AIM2: variants seen among roughly 807,000 people sequenced by gnomAD.
The protein encoded by AIM2 is absent in melanoma 2, also known as interferon-inducible protein AIM2.
In AIM2, 30 loss-of-function variants were observed where a neutral mutation model predicts 27.7. The ratio of observed to expected loss-of-function variants is 1.08; its 90% CI spans 0.81 to 1.47. The LOEUF is 1.47. Among genes scored for constraint, AIM2 ranks in the 40% most tolerant of loss-of-function variants. The pLI is 0.00. For missense variants in AIM2, 358 were observed against 411.3 expected, an observed-to-expected ratio of 0.87 and a Z score of 1.12; for synonymous variants, 141 against 145.3, an observed-to-expected ratio of 0.97 and a Z score of 0.21.
At chr1:159,138,897 G>A (rs1278258759) in intron 1 of AIM2, among the ~76,000 whole-genome samples, 1 of 152,162 alleles carries the variant, frequency 6.6e-6, no homozygotes, top group Non-Finnish European at 1.5e-5. Flanking sequence ...GTCCTACAGT[G>A]AAGTGACTTC....
In AIM2 at chr1:159,121,854, C is replaced by T. The variant is rs113091276; in HGVS notation, c.-16+18577G>A. Among the ~76,000 whole-genome samples, 330 of 152,304 alleles carry T rather than the reference C, an allele frequency of 2.2e-3. 1 individual carries two copies. The highest frequency in any genetic ancestry group is 3.8e-3 in the Non-Finnish European group (260 of 68,032). On this transcript the variant is annotated intron_variant, in intron 1 of 2. Coordinates refer to the AIM2 transcript ENST00000368129. ...TTTACTGTTTATACCTTTTCCACTT[C>T]CAGCACAGGAGTTTAAGCCCACAAA...
chr1:159,106,652 A>T (rs928770841), intron 1 of AIM2, among the ~76,000 whole-genome samples: 1 of 152,254 alleles, frequency 6.6e-6, no homozygotes, highest in Non-Finnish European at 1.5e-5. Context: ...GTGGATTAGA[A>T]CATTCTCTGT....
intron 1 of AIM2, among the ~76,000 whole-genome samples, chr1:159,092,509 C>T (rs1411925921): frequency 2.6e-5 from 4 of 152,044 alleles, no homozygotes; most frequent in African/African-American, 4.8e-5. Flanking sequence ...AGGAAGAACA[C>T]GGTGAAGGGT....
At chr1:159,067,648 G>A (rs1656166576) in intron 3 of AIM2, among the ~76,000 whole-genome samples, 1 of 152,168 alleles carries the variant, frequency 6.6e-6, no homozygotes, top group Non-Finnish European at 1.5e-5. Context: ...TTTCATTACT[G>A]ATGAGGGAAT....
chr1:159,118,026 C>G (rs566363904), intron 1 of AIM2, among the ~76,000 whole-genome samples: 3 of 152,230 alleles, frequency 2.0e-5, no homozygotes, highest in African/African-American at 7.2e-5. Flanking sequence ...GCATACATCT[C>G]CTAAACTAAG....
intron 1 of AIM2, among the ~76,000 whole-genome samples, chr1:159,123,236 A>C (rs1290395709): frequency 6.6e-6 from 1 of 152,218 alleles, no homozygotes. Flanking sequence ...TACTCTCTGC[A>C]TTTCCCTGAT....
chr1:159,127,959 A>T (rs1484582776), intron 1 of AIM2, among the ~76,000 whole-genome samples: 1 of 152,218 alleles, frequency 6.6e-6, no homozygotes, highest in Admixed American at 6.5e-5. Flanking sequence ...TCTGCCCATC[A>T]GTCTCTGCTG....
upstream of AIM2, among the ~76,000 whole-genome samples, chr1:159,144,323 A>G (rs1216820089): frequency 6.6e-6 from 1 of 152,170 alleles, no homozygotes; most frequent in Non-Finnish European, 1.5e-5. Context: ...GTATATCAAC[A>G]AAAGTACTCT....
intron 2 of AIM2, among the ~76,000 whole-genome samples, chr1:159,072,529 C>A (rs952151173): frequency 2.0e-5 from 3 of 152,144 alleles, no homozygotes; most frequent in African/African-American, 7.2e-5. Flanking sequence ...AAAGCTGGGA[C>A]ATATCAATTG....
At chr1:159,080,753 T>C (rs559066799), upstream of AIM2, among the ~76,000 whole-genome samples, 7 of 152,332 alleles carry the variant, frequency 4.6e-5, no homozygotes, top group South Asian at 2.1e-4. Context: ...GCAATGTCCA[T>C]ATGCCTTTGC....
At chr1:159,070,186 TGTC>T (rs368119929) in intron 2 of AIM2, among the ~76,000 whole-genome samples, 129,043 of 151,972 alleles carry the variant, frequency 0.85, 56,944 homozygotes, top group East Asian at 1. Context: ...GTTAGTTACC[TGTC>T]TCAGTTAATT....
intron 1 of AIM2, among the ~76,000 whole-genome samples, chr1:159,109,002 C>G (rs956595683): frequency 2.0e-5 from 3 of 152,200 alleles, no homozygotes; most frequent in Admixed American, 6.5e-5. Flanking sequence ...AATTCCCATT[C>G]AAATACCACC....
chr1:159,055,985 G>A, the AIM2 span, among the ~76,000 whole-genome samples: 1 of 152,134 alleles, frequency 6.6e-6, no homozygotes, highest in East Asian at 1.9e-4. Flanking sequence ...GGGTGTGTAC[G>A]TTAGGAGAGG....
intron 1 of AIM2, among the ~76,000 whole-genome samples, chr1:159,118,198 C>A (rs917222162): frequency 5.1e-4 from 77 of 152,330 alleles, no homozygotes; most frequent in Non-Finnish European, 6.0e-4. Context: ...GGCTTACACA[C>A]TGCATGTAGT....
At chr1:159,064,691 C>A (rs1195444827) in intron 4 of AIM2, among the ~76,000 whole-genome samples, 1 of 152,150 alleles carries the variant, frequency 6.6e-6, no homozygotes, top group African/African-American at 2.4e-5. Flanking sequence ...TCTGGAACTC[C>A]TCAACTCAGG....
intron 1 of AIM2, among the ~76,000 whole-genome samples, chr1:159,116,406 C>T (rs1349813850): frequency 6.6e-6 from 1 of 152,136 alleles, no homozygotes; most frequent in African/African-American, 2.4e-5. Context: ...TGGCACTATT[C>T]ACAATAGCAA....
At chr1:159,106,444 T>G (rs764045455) in intron 1 of AIM2, among the ~76,000 whole-genome samples, 2 of 152,268 alleles carry the variant, frequency 1.3e-5, no homozygotes, top group Non-Finnish European at 2.9e-5. Flanking sequence ...CCTATTATTA[T>G]GCTTATAGCT....
chr1:159,141,341 TCTAA>T (rs1648106266), upstream of AIM2, among the ~76,000 whole-genome samples: 1 of 152,116 alleles, frequency 6.6e-6, no homozygotes, highest in African/African-American at 2.4e-5. Context: ...GTGCCAATTA[TCTAA>T]CTGTGAAGTA....
rs145779112 is a variant in AIM2 at position 159,063,559 on chromosome 1, C to A, written c.932G>T (p.Arg311Leu). 6.2e-7 allele frequency: 1 copy of A among 1,613,986 alleles called. No individual in the cohort carries two copies. Among genetic ancestry groups the A allele is most frequent in the Non-Finnish European group, 8.5e-7 (1 of 1,179,992 alleles). Reference protein sequence around the residue: ...TMKCKEGDKVRLTFFTLSKNG... With the variant: ...TMKCKEGDKVLLTFFTLSKNG... ...TTTTGACAGTGTGAAGAATGTAAGT[C>A]GAACCTTATCTCCTTCCTTACATTT... Residue 311 changes from arginine (R) to leucine (L), a missense_variant, in exon 5 of 6, where the codon CGA becomes CTA. Arg to Leu is a moderately radical substitution (Grantham distance 102, BLOSUM62 -2). Coordinates refer to ENST00000368130, the MANE Select transcript of AIM2 (RefSeq NM_004833.3).
Sources: gnomAD v4.1 joint callset for allele counts (sites outside exome capture counted in the v4.1 genomes callset) on GRCh38, gnomAD v4.1.1 for gene constraint, MANE v1.5 for transcripts, NCBI Gene and HGNC (gene_info 2026-07-23, HGNC 2026-07-21) for gene names.